Variants in PIK3R6 observed in about 807,000 individuals in gnomAD.
PIK3R6 encodes the protein phosphoinositide-3-kinase regulatory subunit 6.
PIK3R6 carries 91 observed loss-of-function variants against 84.9 expected under a neutral mutation model. The ratio of observed to expected loss-of-function variants is 1.07; its 90% confidence interval spans 0.90 to 1.28. PIK3R6 has a LOEUF of 1.28. PIK3R6 is among the 50% of genes most tolerant of loss of function. The probability of loss-of-function intolerance (pLI) is 0.00; values close to 1 mark genes in which losing one functional copy is unlikely to be tolerated. For missense variants in PIK3R6, 996 were observed against 985.1 expected (o/e 1.01, Z -0.15); for synonymous variants, 416 against 411.4 (o/e 1.01, Z -0.13).
At chr17:8,824,846 C>T (rs1308214081) in intron 13 of PIK3R6, among the ~76,000 whole-genome samples, 2 of 152,056 alleles carry the variant, frequency 1.3e-5, no homozygotes, top group Non-Finnish European at 2.9e-5. Flanking sequence ...AAATGTGCAC[C>T]CCTAAATATC....
chr17:8,863,659 C>T lies in PIK3R6; in HGVS notation c.-92+3870G>A, dbSNP rs183637479. Reference sequence around the variant, plus strand: ...AAGCGACTCTCCTGCCTCAGCCTCCCGAGTAGCTGGGACTACAGGTGCACA... The same window carrying T: ...AAGCGACTCTCCTGCCTCAGCCTCCTGAGTAGCTGGGACTACAGGTGCACA... On this transcript the variant is annotated intron_variant, in intron 1 of 19. Coordinates refer to ENST00000619866, the MANE Select transcript of PIK3R6 (RefSeq NM_001010855.4). 2.8e-3 allele frequency among the ~76,000 whole-genome samples: 423 copies of T among 152,218 alleles called. 1 individual carries two copies. The highest frequency in any genetic ancestry group is 9.6e-3 in the African/African-American group (398 of 41,554).
chr17:8,813,244 A>G (rs536227973), intron 18 of PIK3R6, among the ~76,000 whole-genome samples: 40 of 151,728 alleles, frequency 2.6e-4, no homozygotes, highest in African/African-American at 9.2e-4. Flanking sequence ...AATGAAATTG[A>G]ATTAGTAATA....
chr17:8,803,227 G>A lies in PIK3R6; in HGVS notation c.*46C>T. The A allele has an allele frequency of 5.6e-6, 9 of 1,607,050 alleles. No individual in the cohort carries two copies. Among genetic ancestry groups the A allele is most frequent in the African/African-American group, 1.3e-5 (1 of 74,812 alleles). On this transcript the variant is annotated 3_prime_UTR_variant, in exon 20 of 20. Coordinates refer to ENST00000619866, the MANE Select transcript of PIK3R6 (RefSeq NM_001010855.4). This position sits in a 1 kb window ranked among gnomAD's most constrained non-coding sequence, Gnocchi z 5.0. ...GCTGTTGGTGTGAGTGTTTGGAGTT[G>A]GTGGGGTAGTGTATCCTTCCTCCTG...
intron 17 of PIK3R6, 53 bp downstream of exon 17, chr17:8,821,793 T>C: frequency 6.6e-7 from 1 of 1,516,462 alleles, no homozygotes; most frequent in Non-Finnish European, 9.0e-7. Flanking sequence ...CTCCCCAGCA[T>C]TGCCCTTCTC....
At chr17:8,867,034 C>T (rs1231389036) in intron 1 of PIK3R6, among the ~76,000 whole-genome samples, 1 of 152,166 alleles carries the variant, frequency 6.6e-6, no homozygotes, top group Non-Finnish European at 1.5e-5. Flanking sequence ...AGACTGGGAC[C>T]CAGATGTTTC....
chr17:8,851,452 G>A (rs768754794), intron 1 of PIK3R6, among the ~76,000 whole-genome samples: 21 of 152,232 alleles, frequency 1.4e-4, no homozygotes, highest in Admixed American at 3.3e-4. Flanking sequence ...AGCCGAGATC[G>A]CGCCACTGCA....
chr17:8,817,475 C>G (rs934944454), intron 18 of PIK3R6, among the ~76,000 whole-genome samples: 2 of 152,034 alleles, frequency 1.3e-5, no homozygotes, highest in African/African-American at 2.4e-5. Context: ...AACCCCGTAT[C>G]TACTAAAAAT....
In PIK3R6 at chr17:8,824,625, C is replaced by G. The variant is rs149017927; in HGVS notation, c.1516-1128G>C. On this transcript the variant is annotated intron_variant, in intron 13 of 19. Transcript: ENST00000619866. ...CTTTTGGAGTAAGCATAGGGCCATT[C>G]AAATTGTTAATTACAAGGAGAAGGG... is the stretch of plus-strand genomic sequence containing the variant. 6.2e-4 allele frequency among the ~76,000 whole-genome samples: 95 copies of G among 152,280 alleles called. No homozygotes were observed. The East Asian group carries it at 0.014, about 23-fold the overall frequency.
chr17:8,828,923 C>G lies in PIK3R6; in HGVS notation c.957G>C (p.Leu319Phe). The change falls in exon 11 of 20, where the codon TTG becomes TTC. Residue 319 changes from leucine to phenylalanine, a missense_variant. By Grantham distance (22) the Leu-to-Phe change is conservative (BLOSUM62 0). Transcript: ENST00000619866. ...QLRLSADLEV[L>F]DLQGLRPDRE... ...GGTCCGGCCGGAGGCCCTGCAGATC[C>G]AAGACCTCCAAGTCAGCACTGAGGC... is the stretch of plus-strand genomic sequence containing the variant. 1.3e-6 allele frequency: 2 copies of G among 1,531,430 alleles called. No individual in the cohort carries two copies. The highest frequency in any genetic ancestry group is 1.8e-6 in the Non-Finnish European group (2 of 1,140,202). The allele number at this position is 1,531,430 out of a possible 1,614,324, so 94.9% of individuals were successfully genotyped here.
intron 18 of PIK3R6, among the ~76,000 whole-genome samples, chr17:8,807,594 A>C (rs1295946533): frequency 6.6e-6 from 1 of 152,144 alleles, no homozygotes; most frequent in African/African-American, 2.4e-5. Flanking sequence ...AAATTATAAA[A>C]AGAAGGTGGG....
intron 1 of PIK3R6, among the ~76,000 whole-genome samples, chr17:8,864,829 A>G (rs748553995): frequency 1.3e-5 from 2 of 151,932 alleles, no homozygotes; most frequent in Non-Finnish European, 2.9e-5. Context: ...GAGCCACCGC[A>G]CCCAGCCCCT....
intron 2 of PIK3R6, among the ~76,000 whole-genome samples, chr17:8,848,744 C>A (rs2088870139): frequency 6.6e-6 from 1 of 152,174 alleles, no homozygotes; most frequent in African/African-American, 2.4e-5. Flanking sequence ...CAGCTGGTTA[C>A]AGATGACCCA....
intron 1 of PIK3R6, among the ~76,000 whole-genome samples, chr17:8,864,529 CTTTTTT>C (rs35714531): frequency 3.1e-5 from 2 of 65,542 alleles, no homozygotes; most frequent in Non-Finnish European, 5.6e-5. Context: ...CTTCACAGCT[CTTTTTT>C]TTTTTTTTTT....
At chr17:8,832,540 G>A (rs2088281757) in intron 9 of PIK3R6, among the ~76,000 whole-genome samples, 1 of 138,776 alleles carries the variant, frequency 7.2e-6, no homozygotes, top group South Asian at 2.4e-4. Context: ...CCACCACCAC[G>A]CCCAGCTGAT....
chr17:8,821,749 G>T, intron 17 of PIK3R6, 97 bp downstream of exon 17: 1 of 1,321,862 alleles, frequency 7.6e-7, no homozygotes, highest in Non-Finnish European at 1.1e-6. Context: ...TTCCGTGACT[G>T]AGAGGGCTCC....
chr17:8,827,763 GGAGAGA>G (rs199969342), intron 12 of PIK3R6, among the ~76,000 whole-genome samples: 901 of 34,790 alleles, frequency 0.026, 14 homozygotes, highest in Non-Finnish European at 0.031. Context: ...GAGAGAGAGA[GGAGAGA>G]GAGAGAGAGA....
At chr17:8,838,215 G>C (rs2088550092) in intron 4 of PIK3R6, 2 of 454,410 alleles carry the variant, frequency 4.4e-6, no homozygotes, top group African/African-American at 4.0e-5. Flanking sequence ...GTACAACATT[G>C]GGTAGTGTGA....
chr17:8,831,185 C>T (rs1324619846), intron 9 of PIK3R6, among the ~76,000 whole-genome samples: 1 of 147,954 alleles, frequency 6.8e-6, no homozygotes, highest in Non-Finnish European at 1.5e-5. Flanking sequence ...CAGGGCTTAG[C>T]CAGGTGTGGT....
chr17:8,829,214 GACAC>G (rs3859231), intron 10 of PIK3R6, among the ~76,000 whole-genome samples: 10,316 of 150,520 alleles, frequency 0.069, 482 homozygotes, highest in Admixed American at 0.11. Flanking sequence ...CACACACACA[GACAC>G]ACACACAGAG....
Sources: gnomAD v4.1 joint callset for allele counts (sites outside exome capture counted in the v4.1 genomes callset) on GRCh38, gnomAD v4.1.1 for gene constraint, Gnocchi (gnomAD v3.1) non-coding constraint, MANE v1.5 for transcripts, NCBI Gene and HGNC (gene_info 2026-07-23, HGNC 2026-07-21) for gene names.